PRDM5: variants seen among roughly 807,000 people sequenced by gnomAD.
PRDM5 encodes the protein PR domain zinc finger protein 5.
Under a neutral mutation model 81.2 loss-of-function variants are expected in PRDM5, and 56 were observed. That is an observed-to-expected ratio of 0.69 (90% confidence interval 0.56 to 0.86). PRDM5 has a LOEUF of 0.86. PRDM5 is among the 40% of genes least tolerant of loss of function. PRDM5 has a pLI of 0.00. For synonymous variants in PRDM5, 267 were observed against 256.4 expected (o/e 1.04, Z -0.39); for missense variants, 697 against 770.1 (o/e 0.91, Z 1.12).
intron 2 of PRDM5, among the ~76,000 whole-genome samples, chr4:120,867,021 G>A (rs1446135204): frequency 6.6e-6 from 1 of 152,122 alleles, no homozygotes; most frequent in Non-Finnish European, 1.5e-5. Context: ...GCCTGAGAGG[G>A]GCCATTCGCA....
chr4:120,887,899 TCTC>T (rs1763625496), intron 2 of PRDM5, among the ~76,000 whole-genome samples: 1 of 78,026 alleles, frequency 1.3e-5, no homozygotes, highest in Non-Finnish European at 2.4e-5. Flanking sequence ...TTCACGCCAT[TCTC>T]CTGCCTCAGC....
At chr4:120,873,931 T>G (rs569590882) in intron 2 of PRDM5, among the ~76,000 whole-genome samples, 12 of 152,314 alleles carry the variant, frequency 7.9e-5, no homozygotes, top group Non-Finnish European at 1.3e-4. Flanking sequence ...TTTGGGCTAT[T>G]ATGTACACTT....
chr4:120,734,391 AACACAC>A lies in PRDM5; in HGVS notation c.1623+20156_1623+20161del, dbSNP rs71597096. Reference sequence around the variant, plus strand: ...ACTAGCTCCAGTGAGATGTTAGTGGAACACACACACACACACACACACACACAAATA... The same window carrying A: ...ACTAGCTCCAGTGAGATGTTAGTGGAACACACACACACACACACACAAATA... On this transcript the variant is annotated intron_variant, in intron 14 of 15. Coordinates refer to ENST00000264808, the MANE Select transcript of PRDM5 (RefSeq NM_018699.4). 2.7e-3 allele frequency among the ~76,000 whole-genome samples: 396 copies of A among 147,392 alleles called. 4 individuals carry two copies. The highest frequency in any genetic ancestry group is 0.012 in the South Asian group (57 of 4,626).
At chr4:120,868,245 C>T (rs1000783477) in intron 2 of PRDM5, among the ~76,000 whole-genome samples, 8 of 152,014 alleles carry the variant, frequency 5.3e-5, no homozygotes, top group African/African-American at 1.9e-4. Flanking sequence ...TTTAAAAAAA[C>T]TTATTGGAAA....
chr4:120,771,765 GAAAAT>G (rs1256288685), intron 13 of PRDM5, among the ~76,000 whole-genome samples: 1 of 152,032 alleles, frequency 6.6e-6, no homozygotes, highest in East Asian at 1.9e-4. Context: ...AAGAAAAGTA[GAAAAT>G]AATATAGGAG....
chr4:120,840,949 C>T (rs939476064), intron 3 of PRDM5, among the ~76,000 whole-genome samples: 1 of 152,226 alleles, frequency 6.6e-6, no homozygotes, highest in Non-Finnish European at 1.5e-5. Context: ...CCATGGCTCA[C>T]CTCCAGCTGT....
rs184196038 is a variant in PRDM5 at position 120,913,312 on chromosome 4, G to T, written c.94-5755C>A. Among the ~76,000 whole-genome samples, 548 of 152,324 alleles carry T rather than the reference G, an allele frequency of 3.6e-3. 2 individuals are homozygous for T. The highest frequency in any genetic ancestry group is 6.4e-3 in the Non-Finnish European group (436 of 68,032). Reference sequence around the variant, plus strand: ...CAGCCACCTTGAGTCCAAGAGAATTGCAAAGACTTCTGCCCTGACATTTTG... The same window carrying T: ...CAGCCACCTTGAGTCCAAGAGAATTTCAAAGACTTCTGCCCTGACATTTTG... On this transcript the variant is annotated intron_variant, in intron 1 of 15. Coordinates refer to ENST00000264808, the MANE Select transcript of PRDM5 (RefSeq NM_018699.4).
At position 120,784,196 on chromosome 4, in the gene PRDM5, G is replaced by A. The variant is rs530349439; in HGVS notation, c.1282+802C>T. Among the ~76,000 whole-genome samples the A allele has an allele frequency of 3.3e-5, 5 of 152,188 alleles. No individual in the cohort carries two copies. The South Asian group carries it at 1.0e-3, about 32-fold the overall frequency. On this transcript the variant is annotated intron_variant, in intron 11 of 15. Coordinates refer to ENST00000264808, the MANE Select transcript of PRDM5 (RefSeq NM_018699.4). ...TTGGCAATAACATGTTCTTCTCAAT[G>A]AAGGGATATCCTTTAGTGATATAAC...
intron 8 of PRDM5, among the ~76,000 whole-genome samples, chr4:120,805,043 C>T (rs182476544): frequency 4.5e-4 from 68 of 152,260 alleles, no homozygotes; most frequent in Non-Finnish European, 7.4e-4. Context: ...CACAGAAATA[C>T]GAACTACCAT....
chr4:120,729,427 T>C (rs1560999367), intron 14 of PRDM5, among the ~76,000 whole-genome samples: 1 of 152,154 alleles, frequency 6.6e-6, no homozygotes, highest in East Asian at 1.9e-4. Flanking sequence ...GAAGGCAGCA[T>C]GACTGAGAGG....
chr4:120,825,708 T>C (rs896061), intron 3 of PRDM5, among the ~76,000 whole-genome samples: 1 of 152,096 alleles, frequency 6.6e-6, no homozygotes, highest in East Asian at 1.9e-4. Context: ...TTCTTACTTA[T>C]TGTTATTTAT....
chr4:120,693,767 T>C lies in PRDM5; in HGVS notation c.*1344A>G, dbSNP rs145342067. ...AAAACTATACTTCCTTTCTTTTGAC[T>C]GGGCTTCAGTTAGAGAGGTTCATGA... On this transcript the variant is annotated 3_prime_UTR_variant, in exon 16 of 16. Transcript: ENST00000264808. 3 of 152,260 alleles carry C rather than the reference T, an allele frequency of 2.0e-5. No homozygotes were observed. Among genetic ancestry groups the C allele is most frequent in the East Asian group, 1.9e-4 (1 of 5,170 alleles). The allele number at this position is 152,260 out of a possible 1,614,324, so 9.4% of individuals were successfully genotyped here.
At chr4:120,734,446 A>ACACACACACACACACACACACC (rs941793836) in intron 14 of PRDM5, among the ~76,000 whole-genome samples, 2 of 151,262 alleles carry the variant, frequency 1.3e-5, no homozygotes, top group Admixed American at 6.6e-5. Context: ...ACACACACAC[A>ACACACACACACACACACACACC]CCCTTACTCA....
At chr4:120,743,313 C>A (rs1269294155) in intron 14 of PRDM5, among the ~76,000 whole-genome samples, 1 of 151,782 alleles carries the variant, frequency 6.6e-6, no homozygotes, top group Non-Finnish European at 1.5e-5. Context: ...CGGTACCAGC[C>A]GCTGCAAAAT....
chr4:120,867,980 C>G (rs986847441), intron 2 of PRDM5, among the ~76,000 whole-genome samples: 1 of 152,218 alleles, frequency 6.6e-6, no homozygotes, highest in African/African-American at 2.4e-5. Flanking sequence ...TGAACTCCTT[C>G]AAGACAGATT....
At chr4:120,894,261 TAC>T (rs1280902013) in intron 2 of PRDM5, among the ~76,000 whole-genome samples, 6 of 152,212 alleles carry the variant, frequency 3.9e-5, no homozygotes, top group Admixed American at 3.3e-4. Flanking sequence ...ATGCTTTAAT[TAC>T]AGTTACTTCC....
intron 14 of PRDM5, among the ~76,000 whole-genome samples, chr4:120,727,552 T>C (rs981001984): frequency 6.6e-6 from 1 of 152,168 alleles, no homozygotes; most frequent in Non-Finnish European, 1.5e-5. Context: ...AGGCACTCAG[T>C]GGGCCTCAAG....
intron 14 of PRDM5, among the ~76,000 whole-genome samples, chr4:120,740,298 G>A (rs1741725325): frequency 6.6e-6 from 1 of 152,116 alleles, no homozygotes; most frequent in Non-Finnish European, 1.5e-5. Context: ...TTCTAAAAAT[G>A]TTAAATTTTC....
At chr4:120,768,618 A>G (rs1168069972) in intron 13 of PRDM5, among the ~76,000 whole-genome samples, 4 of 152,186 alleles carry the variant, frequency 2.6e-5, no homozygotes, top group Non-Finnish European at 5.9e-5. Context: ...ACAACTGCAA[A>G]AGACTATAAT....
Sources: gnomAD v4.1 joint callset for allele counts (sites outside exome capture counted in the v4.1 genomes callset) on GRCh38, gnomAD v4.1.1 for gene constraint, MANE v1.5 for transcripts, NCBI Gene and HGNC (gene_info 2026-07-23, HGNC 2026-07-21) for gene names.